The following ERN1 variants were observed in gnomAD, a reference collection of about 807,000 sequenced individuals.
The protein encoded by ERN1 is endoplasmic reticulum to nucleus signaling 1, also known as serine/threonine-protein kinase/endoribonuclease IRE1.
ERN1 carries 39 observed loss-of-function variants against 113.1 expected under a neutral mutation model. The ratio of observed to expected loss-of-function variants is 0.34; its 90% CI spans 0.27 to 0.45. ERN1 has a LOEUF of 0.45. ERN1 is among the 20% of genes least tolerant of loss of function. The probability of loss-of-function intolerance (pLI) is 1.00; values close to 1 mark genes in which losing one functional copy is unlikely to be tolerated. For missense variants in ERN1, 976 were observed against 1,274.8 expected, an observed-to-expected ratio of 0.77 and a Z score of 3.57; for synonymous variants, 507 against 515.9, an observed-to-expected ratio of 0.98 and a Z score of 0.23.
chr17:64,058,022 T>A, intron 11 of ERN1, 29 bp from the exon 12 acceptor site: 1 of 1,487,550 alleles, frequency 6.7e-7, no homozygotes, highest in Non-Finnish European at 9.0e-7. Context: ...GCGACATCAC[T>A]GCAAAATTTC....
rs764747800 is a variant in ERN1, at chr17:64,054,481, T to C, written c.1764-42A>G. 2.0e-6 allele frequency: 3 copies of C among 1,525,052 alleles called. No individual in the cohort carries two copies. Among genetic ancestry groups the C allele is most frequent in the Non-Finnish European group, 2.7e-6 (3 of 1,127,142 alleles). The allele number at this position is 1,525,052 out of a possible 1,614,324, so 94.5% of individuals were successfully genotyped here. ...GGGAGTTGTGTCTGGGAAGCACGAG[T>C]CAGGCTGTGTAAATGAGGTGAGAAC... On this transcript the variant is annotated intron_variant, in intron 14 of 21. Coordinates refer to ENST00000433197, the MANE Select transcript of ERN1 (RefSeq NM_001433.5). The surrounding 1 kb of genome is among the most constrained non-coding windows in gnomAD (Gnocchi z 4.9).
At chr17:64,106,218 G>T (rs1050395703) in intron 1 of ERN1, among the ~76,000 whole-genome samples, 1 of 152,150 alleles carries the variant, frequency 6.6e-6, no homozygotes, top group East Asian at 1.9e-4. Flanking sequence ...ACATATTACA[G>T]TATTAAAGGT....
At chr17:64,071,682 A>C (rs1913423091) in intron 6 of ERN1, among the ~76,000 whole-genome samples, 1 of 152,156 alleles carries the variant, frequency 6.6e-6, no homozygotes, top group African/African-American at 2.4e-5. Flanking sequence ...TCGGCCTCCC[A>C]AAGTACTGGA....
At chr17:64,121,883 C>T (rs1914964832) in intron 1 of ERN1, among the ~76,000 whole-genome samples, 1 of 152,202 alleles carries the variant, frequency 6.6e-6, no homozygotes, top group East Asian at 1.9e-4. Flanking sequence ...CAGGTGAAGG[C>T]AGCATTCCCA....
chr17:64,044,795 G>T lies in ERN1; in HGVS notation c.2721+65C>A. On this transcript the variant is annotated intron_variant, in intron 21 of 21. Transcript: ENST00000433197. The surrounding 1 kb of genome is among the most constrained non-coding windows in gnomAD (Gnocchi z 4.1). ...GATAAAAGATTTATAAAGAATGGATGAAAGGAGGAAGGTGTCCATGTCATG... is the reference window on the plus strand; with the variant it reads ...GATAAAAGATTTATAAAGAATGGATTAAAGGAGGAAGGTGTCCATGTCATG... The T allele has an allele frequency of 9.8e-7, 1 of 1,021,872 alleles. No individual in the cohort carries two copies. Among genetic ancestry groups the T allele is most frequent in the Non-Finnish European group, 1.5e-6 (1 of 664,050 alleles). The allele number at this position is 1,021,872 out of a possible 1,614,324, so 63.3% of individuals were successfully genotyped here.
At chr17:64,118,570 C>T (rs189394517) in intron 1 of ERN1, among the ~76,000 whole-genome samples, 2 of 152,290 alleles carry the variant, frequency 1.3e-5, no homozygotes, top group Non-Finnish European at 2.9e-5. Context: ...AGAGCGGGCT[C>T]CCAATTCTAC....
intron 2 of ERN1, among the ~76,000 whole-genome samples, chr17:64,085,049 T>G (rs1913881963): frequency 6.6e-6 from 1 of 152,250 alleles, no homozygotes; most frequent in African/African-American, 2.4e-5. Context: ...TGCCCAACTC[T>G]GGCCACGGAG....
chr17:64,065,692 C>A (rs1463278413), intron 8 of ERN1, among the ~76,000 whole-genome samples: 1 of 152,178 alleles, frequency 6.6e-6, no homozygotes, highest in African/African-American at 2.4e-5. Flanking sequence ...ACCAGAACTA[C>A]CCCCATTCTG....
chr17:64,101,964 A>G (rs1914396817), intron 1 of ERN1, among the ~76,000 whole-genome samples: 1 of 152,142 alleles, frequency 6.6e-6, no homozygotes. Context: ...ACATTCTACA[A>G]TTGGTTTATG....
intron 1 of ERN1, among the ~76,000 whole-genome samples, chr17:64,101,594 C>T (rs1213862721): frequency 3.3e-5 from 5 of 152,192 alleles, no homozygotes; most frequent in South Asian, 4.1e-4. Context: ...AGCTTGAATT[C>T]GAAGGAGCTT....
Position 64,044,106 on chromosome 17 carries a change from T to A in ERN1, c.2816A>T (p.His939Leu). The A allele has an allele frequency of 6.2e-7, 1 of 1,609,334 alleles. No individual in the cohort carries two copies. Among genetic ancestry groups the A allele is most frequent in the Non-Finnish European group, 8.5e-7 (1 of 1,177,754 alleles). Residue 939 changes from histidine (H) to leucine (L), a missense_variant, in exon 22 of 22, where the codon CAC becomes CTC. His to Leu is a moderately conservative substitution (Grantham distance 99). Coordinates refer to ENST00000433197, the MANE Select transcript of ERN1 (RefSeq NM_001433.5). The surrounding 1 kb of genome is among the most constrained non-coding windows in gnomAD (Gnocchi z 4.1). ...FVCYFTSRFP[H>L]LLAHTYRAME... ...GGCCCGGTAGGTGTGTGCGAGGAGG[T>A]GGGGGAAGCGAGATGTGAAGTAGCA...
At chr17:64,081,977 T>C (rs1452084266) in intron 2 of ERN1, among the ~76,000 whole-genome samples, 2 of 152,212 alleles carry the variant, frequency 1.3e-5, no homozygotes, top group Non-Finnish European at 2.9e-5. Context: ...ACAGCCATGC[T>C]ATACACAACT....
At position 64,041,143 on chromosome 17, in the gene ERN1, G is replaced by T. The variant is rs1047231631; in HGVS notation, c.*2845C>A. 2.0e-5 allele frequency: 3 copies of T among 152,118 alleles called. No individual in the cohort carries two copies. The highest frequency in any genetic ancestry group is 7.2e-5 in the African/African-American group (3 of 41,382). The allele number at this position is 152,118 out of a possible 1,614,324, so 9.4% of individuals were successfully genotyped here. On this transcript the variant is annotated 3_prime_UTR_variant, in exon 22 of 22. Coordinates refer to ENST00000433197, the MANE Select transcript of ERN1 (RefSeq NM_001433.5). ...AGCCTGGGTGACAGAGCGAGACTCT[G>T]TCTCAAAAAAACAAAAAACAAACGA...
chr17:64,121,937 G>A (rs1233673987), intron 1 of ERN1, among the ~76,000 whole-genome samples: 2 of 152,190 alleles, frequency 1.3e-5, no homozygotes, highest in Admixed American at 6.5e-5. Context: ...AGGGTAGAAG[G>A]CCATGATTCT....
At chr17:64,105,414 A>T (rs182943713) in intron 1 of ERN1, among the ~76,000 whole-genome samples, 8 of 152,264 alleles carry the variant, frequency 5.3e-5, no homozygotes, top group East Asian at 1.9e-4. Context: ...ATAATAATAA[A>T]AAAAAGACTT....
chr17:64,045,137 C>T (rs1912470594), intron 20 of ERN1, among the ~76,000 whole-genome samples: 1 of 151,998 alleles, frequency 6.6e-6, no homozygotes, highest in Non-Finnish European at 1.5e-5. Context: ...CAGAAATGAC[C>T]ACCTAGAGCA....
intron 11 of ERN1, among the ~76,000 whole-genome samples, chr17:64,058,994 A>C (rs766941795): frequency 1.2e-4 from 18 of 152,216 alleles, no homozygotes; most frequent in Non-Finnish European, 1.8e-4. Flanking sequence ...AGTATTTTAA[A>C]ACATACTTTT....
chr17:64,107,525 T>C (rs1051607421), intron 1 of ERN1, among the ~76,000 whole-genome samples: 2 of 152,288 alleles, frequency 1.3e-5, no homozygotes. Flanking sequence ...TCCTACTATG[T>C]TGCCCAGGCT....
intron 4 of ERN1, among the ~76,000 whole-genome samples, chr17:64,076,534 G>A (rs1292180603): frequency 6.6e-6 from 1 of 152,150 alleles, no homozygotes; most frequent in Non-Finnish European, 1.5e-5. Flanking sequence ...CCAAGCTTGG[G>A]AAACATTGTT....
Sources: gnomAD v4.1 joint callset for allele counts (sites outside exome capture counted in the v4.1 genomes callset) on GRCh38, gnomAD v4.1.1 for gene constraint, Gnocchi (gnomAD v3.1) non-coding constraint, MANE v1.5 for transcripts, NCBI Gene and HGNC (gene_info 2026-07-23, HGNC 2026-07-21) for gene names.